KIAA0586: variants seen among roughly 807,000 people sequenced by gnomAD.
The protein encoded by KIAA0586 is KIAA0586, also known as protein TALPID3.
In KIAA0586, 144 loss-of-function variants were observed where a neutral mutation model predicts 169.8. That is an observed-to-expected ratio of 0.85 (90% confidence interval 0.74 to 0.97). The LOEUF is 0.97. Ranked by LOEUF, KIAA0586 falls within the 50% of genes least tolerant of loss-of-function variation. The pLI, the probability that KIAA0586 is intolerant of heterozygous loss-of-function variation, is 0.00. For missense variants in KIAA0586, 1,854 were observed against 1,823.0 expected (o/e 1.02, Z -0.31); for synonymous variants, 625 against 612.4 (o/e 1.02, Z -0.30).
intron 6 of KIAA0586, among the ~76,000 whole-genome samples, chr14:58,446,508 C>G (rs898718803): frequency 6.6e-6 from 1 of 151,572 alleles, no homozygotes; most frequent in Non-Finnish European, 1.5e-5. Flanking sequence ...ACAACAACAA[C>G]AAATGTATAT....
chr14:58,543,131 C>CAAAA (rs35632146), intron 30 of KIAA0586, among the ~76,000 whole-genome samples: 2 of 119,952 alleles, frequency 1.7e-5, no homozygotes, highest in Non-Finnish European at 3.5e-5. Context: ...GATTACGTCT[C>CAAAA]AAAAAAAAAA....
At chr14:58,473,092 T>C (rs2041351310) in intron 18 of KIAA0586, among the ~76,000 whole-genome samples, 1 of 151,590 alleles carries the variant, frequency 6.6e-6, no homozygotes, top group Admixed American at 6.6e-5. Flanking sequence ...GCAGAGAATT[T>C]AGCATTCAAA....
rs2047103390 is a variant in KIAA0586 at position 58,548,256 on chromosome 14, G to C, written c.*324G>C. 1.4e-5 allele frequency: 3 copies of C among 207,110 alleles called. No individual in the cohort carries two copies. The highest frequency in any genetic ancestry group is 6.9e-5 in the African/African-American group (3 of 43,334). 12.8% of individuals were successfully genotyped at this position (207,110 alleles called of 1,614,324 possible). ...GTATTTATAAAATTATGTAGCTCAAGGTTATTCATTCTAACATTTTTATAA... is the reference window on the plus strand; with the variant it reads ...GTATTTATAAAATTATGTAGCTCAACGTTATTCATTCTAACATTTTTATAA... On this transcript the variant is annotated 3_prime_UTR_variant, in exon 31 of 31. Transcript: ENST00000652326.
intron 20 of KIAA0586, among the ~76,000 whole-genome samples, chr14:58,477,702 A>AT (rs1215363873): frequency 1.3e-5 from 2 of 151,348 alleles, no homozygotes; most frequent in South Asian, 2.1e-4. Context: ...TCTTTTCTCC[A>AT]TTTTTTTCTT....
chr14:58,454,828 G>A (rs2039687026), intron 9 of KIAA0586, among the ~76,000 whole-genome samples: 1 of 152,116 alleles, frequency 6.6e-6, no homozygotes, highest in African/African-American at 2.4e-5. Flanking sequence ...CACCCCTGGT[G>A]TCCCCTCCTT....
At chr14:58,434,804 T>C (rs2037673076) in intron 4 of KIAA0586, among the ~76,000 whole-genome samples, 1 of 152,188 alleles carries the variant, frequency 6.6e-6, no homozygotes, top group Admixed American at 6.5e-5. Context: ...AGGATCTCGC[T>C]CTGTCACCCA....
intron 14 of KIAA0586, among the ~76,000 whole-genome samples, chr14:58,464,586 A>C (rs1053639540): frequency 6.6e-6 from 1 of 152,184 alleles, no homozygotes; most frequent in Non-Finnish European, 1.5e-5. Context: ...CATAAAGTCA[A>C]ATTTTTAATA....
At position 58,457,742 on chromosome 14, in the gene KIAA0586, T is replaced by G; in HGVS notation, c.1363-17T>G. Reference sequence around the variant, plus strand: ...CGTTGTGAGTTTAGTAACTTTCTGGTCTTTTTTTCTTTTAAGCCAAAAGAA... The same window carrying G: ...CGTTGTGAGTTTAGTAACTTTCTGGGCTTTTTTTCTTTTAAGCCAAAAGAA... On this transcript the variant is annotated splice_polypyrimidine_tract_variant and intron_variant, in intron 10 of 30. Transcript: ENST00000652326. 6.6e-7 allele frequency: 1 copy of G among 1,523,380 alleles called. No homozygotes were observed. The highest frequency in any genetic ancestry group is 8.9e-7 in the Non-Finnish European group (1 of 1,121,592). 94.4% of individuals were successfully genotyped at this position (1,523,380 alleles called of 1,614,324 possible).
intron 17 of KIAA0586, among the ~76,000 whole-genome samples, 197 bp from the exon 18 acceptor site, chr14:58,472,002 A>T (rs1163991084): frequency 6.6e-6 from 1 of 152,140 alleles, no homozygotes. Flanking sequence ...TTTTAAAGCT[A>T]TTGAAATGTT....
Position 58,498,954 on chromosome 14 carries a change from G to A in KIAA0586, c.4162G>A (p.Val1388Ile), listed in dbSNP as rs369067010. The change falls in exon 27 of 31, where the codon GTT becomes ATT. Residue 1388 changes from valine to isoleucine, a missense_variant. Coordinates refer to ENST00000652326, the MANE Select transcript of KIAA0586 (RefSeq NM_001329943.3). ...PKPLSRQFDTVSGSIYEDSCA... is the reference protein window; with the variant it reads ...PKPLSRQFDTISGSIYEDSCA... The stretch of plus-strand genomic sequence containing the variant: ...ACCATTATCTCGGCAATTTGACACA[G>A]TTTCAGGTAGACACCAAAATATTTT... 134 of 1,594,106 alleles carry A rather than the reference G, an allele frequency of 8.4e-5. 1 individual carries two copies. The highest frequency in any genetic ancestry group is 2.3e-4 in the Admixed American group (13 of 56,694).
chr14:58,555,104 T>C (rs928772424), downstream of KIAA0586, among the ~76,000 whole-genome samples: 7 of 143,714 alleles, frequency 4.9e-5, no homozygotes, highest in East Asian at 2.0e-4. Flanking sequence ...TCTTTCTTTT[T>C]TTTTTTTTTT....
At chr14:58,486,403 G>A (rs2042442429) in intron 21 of KIAA0586, among the ~76,000 whole-genome samples, 1 of 152,158 alleles carries the variant, frequency 6.6e-6, no homozygotes, top group Non-Finnish European at 1.5e-5. Flanking sequence ...GAATAGTGTG[G>A]CAATGAACAT....
chr14:58,487,347 G>A (rs746699407), intron 22 of KIAA0586, among the ~76,000 whole-genome samples, 181 bp downstream of exon 22: 3 of 152,152 alleles, frequency 2.0e-5, no homozygotes, highest in Non-Finnish European at 4.4e-5. Context: ...GGTGGCTCAC[G>A]CCTGTAATCC....
chr14:58,480,146 T>C (rs1326048837), intron 20 of KIAA0586, among the ~76,000 whole-genome samples: 1 of 152,124 alleles, frequency 6.6e-6, no homozygotes, highest in Non-Finnish European at 1.5e-5. Context: ...TCCTCTTTGG[T>C]CCTTATAGGT....
chr14:58,485,352 A>G (rs2042371305), intron 21 of KIAA0586, among the ~76,000 whole-genome samples: 1 of 152,104 alleles, frequency 6.6e-6, no homozygotes, highest in South Asian at 2.1e-4. Context: ...AAGTTATTGA[A>G]ATTGCATTTT....
chr14:58,542,584 A>G (rs1225472369), intron 30 of KIAA0586, among the ~76,000 whole-genome samples: 1 of 152,220 alleles, frequency 6.6e-6, no homozygotes, highest in Non-Finnish European at 1.5e-5. Flanking sequence ...TAGAGTTTAA[A>G]CTAGCATAAC....
chr14:58,493,604 G>A (rs1295735126), intron 26 of KIAA0586, among the ~76,000 whole-genome samples: 1 of 152,056 alleles, frequency 6.6e-6, no homozygotes, highest in Non-Finnish European at 1.5e-5. Flanking sequence ...TAAATGATTA[G>A]GAAAGGTAGG....
intron 14 of KIAA0586, among the ~76,000 whole-genome samples, chr14:58,462,215 C>G (rs188620402): frequency 6.6e-6 from 1 of 150,452 alleles, no homozygotes; most frequent in Non-Finnish European, 1.5e-5. Flanking sequence ...GGTATTTACC[C>G]TGAAGTTTTC....
At chr14:58,437,122 C>T (rs971986499) in intron 4 of KIAA0586, among the ~76,000 whole-genome samples, 1 of 151,974 alleles carries the variant, frequency 6.6e-6, no homozygotes, top group African/African-American at 2.4e-5. Context: ...TTAGATTGGT[C>T]CTGAATACAC....
Sources: allele counts gnomAD v4.1 joint callset (sites outside exome capture counted in the v4.1 genomes callset), GRCh38; gene constraint gnomAD v4.1.1; transcripts MANE v1.5; gene names NCBI Gene and HGNC (gene_info 2026-07-23, HGNC 2026-07-21).